The following CNTN5 variants were observed in gnomAD, a reference collection of about 807,000 sequenced individuals.
The protein encoded by CNTN5 is contactin-5.
Under a neutral mutation model 129.1 loss-of-function variants are expected in CNTN5, and 77 were observed. The ratio of observed to expected loss-of-function variants is 0.60; its 90% CI spans 0.50 to 0.72. CNTN5 has a LOEUF of 0.72. Ranked by LOEUF, CNTN5 falls within the 30% of genes least tolerant of loss-of-function variation. CNTN5 has a pLI of 0.00. For missense variants in CNTN5, 1,478 were observed against 1,328.8 expected (o/e 1.11, Z -1.75); for synonymous variants, 509 against 465.6 (o/e 1.09, Z -1.20).
intron 8 of CNTN5, among the ~76,000 whole-genome samples, chr11:99,975,609 A>T (rs1019912606): frequency 6.6e-6 from 1 of 152,114 alleles, no homozygotes; most frequent in African/African-American, 2.4e-5. Context: ...GGTGAAGGAA[A>T]AGTAAGGCAT....
At chr11:99,883,960 T>G (rs1948834856) in intron 6 of CNTN5, among the ~76,000 whole-genome samples, 1 of 152,220 alleles carries the variant, frequency 6.6e-6, no homozygotes, top group African/African-American at 2.4e-5. Context: ...TGCTTCTACC[T>G]TTTAAATCAC....
intron 3 of CNTN5, among the ~76,000 whole-genome samples, chr11:99,583,851 C>G (rs966351817): frequency 6.6e-6 from 1 of 152,100 alleles, no homozygotes; most frequent in East Asian, 1.9e-4. Context: ...CTGTCTTGCA[C>G]TCCCCAGTGA....
chr11:99,029,739 G>A (rs1238796305), intron 1 of CNTN5, among the ~76,000 whole-genome samples: 2 of 152,106 alleles, frequency 1.3e-5, no homozygotes, highest in African/African-American at 2.4e-5. Flanking sequence ...TTGGGATTTT[G>A]TTCCAAAGCA....
chr11:100,220,226 A>C (rs1251564905), intron 15 of CNTN5, among the ~76,000 whole-genome samples: 2 of 152,022 alleles, frequency 1.3e-5, no homozygotes, highest in Non-Finnish European at 2.9e-5. Context: ...GCAGTGAGCC[A>C]AGATTGCACC....
chr11:99,694,489 G>T (rs1954176927), intron 3 of CNTN5, among the ~76,000 whole-genome samples: 1 of 152,086 alleles, frequency 6.6e-6, no homozygotes, highest in South Asian at 2.1e-4. Flanking sequence ...AACAGTTTTA[G>T]ACTTTTTCAA....
intron 15 of CNTN5, among the ~76,000 whole-genome samples, chr11:100,195,172 T>G (rs1003890267): frequency 6.6e-6 from 1 of 152,022 alleles, no homozygotes; most frequent in Non-Finnish European, 1.5e-5. Context: ...ATATCACATT[T>G]TGATTAAAAA....
chr11:99,584,427 A>G (rs1565321879), intron 3 of CNTN5, among the ~76,000 whole-genome samples: 1 of 152,146 alleles, frequency 6.6e-6, no homozygotes, highest in Non-Finnish European at 1.5e-5. Context: ...ATGGTGTTAA[A>G]ACTATTTTCC....
At chr11:99,521,454 A>G (rs1256568200) in intron 2 of CNTN5, among the ~76,000 whole-genome samples, 1 of 152,218 alleles carries the variant, frequency 6.6e-6, no homozygotes, top group Non-Finnish European at 1.5e-5. Flanking sequence ...AAATAATTTT[A>G]GGTGACTTAT....
rs553540845 is a variant in CNTN5 at position 99,744,543 on chromosome 11, TAAAAAAAAA to T, written c.56-74979_56-74971del. ...GCAAAACCCCGTCTCTACAAAAAGT[TAAAAAAAAA>T]AAAAAAAAAAAAAAAAAAAAAGCTG... On this transcript the variant is annotated intron_variant, in intron 3 of 24. Coordinates refer to ENST00000524871, the MANE Select transcript of CNTN5 (RefSeq NM_014361.4). Among the ~76,000 whole-genome samples, 15 of 37,494 alleles carry T rather than the reference TAAAAAAAAA, an allele frequency of 4.0e-4. No homozygotes were observed. In the East Asian group the frequency reaches 5.6e-3, roughly 14 times the overall value. The allele number at this position is 37,494 out of a possible 152,430, so 24.6% of individuals were successfully genotyped here.
intron 6 of CNTN5, among the ~76,000 whole-genome samples, chr11:99,878,685 G>A (rs1486728049): frequency 1.3e-5 from 2 of 151,852 alleles, no homozygotes; most frequent in African/African-American, 4.8e-5. Context: ...GTGAAACCCC[G>A]TCTCTACTAG....
intron 2 of CNTN5, among the ~76,000 whole-genome samples, chr11:99,532,974 G>A (rs541547820): frequency 9.8e-5 from 15 of 152,324 alleles, no homozygotes; most frequent in Non-Finnish European, 1.5e-4. Context: ...TGTAATCCCA[G>A]CACTTTGGGA....
At chr11:99,336,276 A>C (rs1214025849) in intron 2 of CNTN5, among the ~76,000 whole-genome samples, 1 of 152,170 alleles carries the variant, frequency 6.6e-6, no homozygotes, top group Non-Finnish European at 1.5e-5. Context: ...TTGGATAAAC[A>C]ACCTAAGGGT....
At chr11:99,381,672 A>G (rs373646309) in intron 2 of CNTN5, among the ~76,000 whole-genome samples, 108 of 152,282 alleles carry the variant, frequency 7.1e-4, no homozygotes, top group African/African-American at 2.4e-3. Context: ...CCCTATTATC[A>G]GCAGAAATGC....
intron 3 of CNTN5, among the ~76,000 whole-genome samples, chr11:99,622,468 T>G (rs1371018850): frequency 2.0e-5 from 3 of 152,132 alleles, no homozygotes; most frequent in Admixed American, 6.6e-5. Context: ...TCGGTATTAG[T>G]CAACAAAGTA....
intron 1 of CNTN5, among the ~76,000 whole-genome samples, chr11:99,074,843 G>A (rs1865494515): frequency 6.6e-6 from 1 of 152,136 alleles, no homozygotes; most frequent in African/African-American, 2.4e-5. Context: ...AGAAAAACAT[G>A]CATCACGGCA....
chr11:99,678,893 T>G (rs974325599), intron 3 of CNTN5, among the ~76,000 whole-genome samples: 7 of 151,354 alleles, frequency 4.6e-5, no homozygotes, highest in African/African-American at 1.5e-4. Flanking sequence ...ATATAACCTT[T>G]TTTTGTATTC....
rs143046629 is a variant in CNTN5 at position 99,477,549 on chromosome 11, C to T, written c.-70-78596C>T. 9.9e-3 allele frequency among the ~76,000 whole-genome samples: 1,500 copies of T among 151,698 alleles called. 25 individuals are homozygous for T. The highest frequency in any genetic ancestry group is 0.034 in the African/African-American group (1,400 of 41,402). On this transcript the variant is annotated intron_variant, in intron 2 of 24. Transcript: ENST00000524871. ...TATATAGAGACAGAAATGGTATATG[C>T]GTTTATAGACAAACATACATATAAA...
intron 8 of CNTN5, among the ~76,000 whole-genome samples, chr11:99,974,655 A>T (rs778056853): frequency 2.0e-5 from 3 of 152,222 alleles, no homozygotes; most frequent in Non-Finnish European, 4.4e-5. Flanking sequence ...AATTGGGGTT[A>T]TGGTGATCTG....
At chr11:99,535,937 G>C (rs1380697543) in intron 2 of CNTN5, among the ~76,000 whole-genome samples, 2 of 152,006 alleles carry the variant, frequency 1.3e-5, no homozygotes, top group Non-Finnish European at 2.9e-5. Context: ...TGTTAATTCT[G>C]ATTAGTTTTG....
Sources: gnomAD v4.1 joint callset for allele counts (sites outside exome capture counted in the v4.1 genomes callset) on GRCh38, gnomAD v4.1.1 for gene constraint, MANE v1.5 for transcripts, NCBI Gene and HGNC (gene_info 2026-07-23, HGNC 2026-07-21) for gene names.